SLC9A9: variants seen among roughly 807,000 people sequenced by gnomAD.
SLC9A9 encodes sodium/hydrogen exchanger 9.
SLC9A9 carries 62 observed loss-of-function variants against 77.8 expected under a neutral mutation model. That is an observed-to-expected ratio of 0.80 (90% CI 0.65 to 0.98). The LOEUF (loss-of-function observed/expected upper bound fraction) is 0.98, where lower values mean the gene tolerates loss of function less well. Ranked by LOEUF, SLC9A9 falls within the 50% of genes least tolerant of loss-of-function variation. The pLI, the probability that SLC9A9 is intolerant of heterozygous loss-of-function variation, is 0.00. For synonymous variants in SLC9A9, 320 were observed against 283.5 expected (o/e 1.13, Z -1.29); for missense variants, 775 against 774.9 (o/e 1.00, Z 0.00).
At chr3:143,447,752 T>C (rs1175507890) in intron 12 of SLC9A9, among the ~76,000 whole-genome samples, 1 of 152,186 alleles carries the variant, frequency 6.6e-6, no homozygotes, top group Admixed American at 6.5e-5. Flanking sequence ...TGTCTAAAGA[T>C]GGCAGAAACA....
At chr3:143,731,145 A>G (rs1934794532) in intron 4 of SLC9A9, among the ~76,000 whole-genome samples, 1 of 152,214 alleles carries the variant, frequency 6.6e-6, no homozygotes, top group South Asian at 2.1e-4. Context: ...ACTGGAGTAC[A>G]TGCCTAATCA....
At chr3:143,673,094 G>A (rs1411554348) in intron 5 of SLC9A9, among the ~76,000 whole-genome samples, 1 of 152,150 alleles carries the variant, frequency 6.6e-6, no homozygotes, top group African/African-American at 2.4e-5. Flanking sequence ...AATGTTAAAT[G>A]AAAATAATGA....
chr3:143,471,035 G>C (rs981531746), intron 11 of SLC9A9, among the ~76,000 whole-genome samples: 1 of 152,086 alleles, frequency 6.6e-6, no homozygotes, highest in African/African-American at 2.4e-5. Flanking sequence ...ATTGTTAATC[G>C]GGGCCAAACC....
At chr3:143,633,363 T>A (rs1028804775) in intron 6 of SLC9A9, among the ~76,000 whole-genome samples, 1 of 152,234 alleles carries the variant, frequency 6.6e-6, no homozygotes, top group Non-Finnish European at 1.5e-5. Flanking sequence ...CTTACATTTA[T>A]ATGCATTGCT....
chr3:143,754,115 A>T (rs1576703594), intron 4 of SLC9A9, among the ~76,000 whole-genome samples: 1 of 152,212 alleles, frequency 6.6e-6, no homozygotes, highest in Non-Finnish European at 1.5e-5. Flanking sequence ...AGACAAAGGT[A>T]TGGAGAAGAG....
intron 5 of SLC9A9, among the ~76,000 whole-genome samples, chr3:143,667,615 G>C (rs1325930694): frequency 1.3e-5 from 2 of 152,030 alleles, no homozygotes; most frequent in Non-Finnish European, 2.9e-5. Flanking sequence ...AATCTACAAA[G>C]AACTTAAACA....
intron 11 of SLC9A9, among the ~76,000 whole-genome samples, chr3:143,477,330 A>ATTTTTTTTTTT (rs59195338): frequency 1.7e-4 from 17 of 99,998 alleles, no homozygotes; most frequent in African/African-American, 3.4e-4. Context: ...GGCTTCTTCA[A>ATTTTTTTTTTT]TTTTTTTTTT....
At chr3:143,677,850 A>G (rs9818045) in intron 5 of SLC9A9, among the ~76,000 whole-genome samples, 103,114 of 142,410 alleles carry the variant, frequency 0.72, 37,224 homozygotes, top group East Asian at 0.84. Flanking sequence ...TTTTTGAGAC[A>G]GAGTCTCGCT....
At chr3:143,835,146 C>T (rs1412898253) in intron 1 of SLC9A9, among the ~76,000 whole-genome samples, 1 of 152,174 alleles carries the variant, frequency 6.6e-6, no homozygotes, top group Admixed American at 6.6e-5. Flanking sequence ...TTCACAGGAT[C>T]AGGCCTGCAT....
intron 14 of SLC9A9, among the ~76,000 whole-genome samples, chr3:143,360,960 A>C (rs747881959): frequency 1.1e-4 from 16 of 152,238 alleles, no homozygotes; most frequent in Non-Finnish European, 1.9e-4. Flanking sequence ...GGCCTCATGC[A>C]ATCAGTTGCA....
At chr3:143,504,352 CG>C in intron 9 of SLC9A9, 1 of 166,190 alleles carries the variant, frequency 6.0e-6, no homozygotes, top group Non-Finnish European at 1.3e-5. Context: ...AGCTGCTCCT[CG>C]GATTTTAATT....
At chr3:143,587,320 C>A (rs1252800865) in intron 6 of SLC9A9, among the ~76,000 whole-genome samples, 1 of 152,088 alleles carries the variant, frequency 6.6e-6, no homozygotes, top group Non-Finnish European at 1.5e-5. Flanking sequence ...AATAGCTAAG[C>A]AAATAAATGT....
At position 143,832,000 on chromosome 3, in the gene SLC9A9, T is replaced by A; in HGVS notation, c.378+19A>T. ...TTTATACTGTAAAACAAATATATAA[T>A]ACCAGACAGGATCCTTACCTTTTCA... On this transcript the variant is annotated intron_variant, in intron 2 of 15. Coordinates refer to ENST00000316549, the MANE Select transcript of SLC9A9 (RefSeq NM_173653.4). 1 of 1,600,648 alleles carries A rather than the reference T, an allele frequency of 6.2e-7. No homozygotes were observed. The highest frequency in any genetic ancestry group is 8.5e-7 in the Non-Finnish European group (1 of 1,170,092).
At chr3:143,389,337 G>A (rs1198017229) in intron 12 of SLC9A9, among the ~76,000 whole-genome samples, 1 of 152,112 alleles carries the variant, frequency 6.6e-6, no homozygotes, top group African/African-American at 2.4e-5. Flanking sequence ...GTTCATTAGG[G>A]TCTAACTAAG....
chr3:143,409,623 T>C (rs1576478306), intron 12 of SLC9A9, among the ~76,000 whole-genome samples: 1 of 152,232 alleles, frequency 6.6e-6, no homozygotes, highest in Non-Finnish European at 1.5e-5. Flanking sequence ...CAAGATGGTC[T>C]AAGTAGAAGC....
At chr3:143,678,197 T>C (rs1932947237) in intron 5 of SLC9A9, among the ~76,000 whole-genome samples, 1 of 152,220 alleles carries the variant, frequency 6.6e-6, no homozygotes, top group Non-Finnish European at 1.5e-5. Context: ...GTTCTTTGTG[T>C]ATTAAAAATA....
intron 2 of SLC9A9, among the ~76,000 whole-genome samples, chr3:143,826,888 C>T (rs9827103): frequency 0.82 from 124,443 of 152,150 alleles, 54,559 homozygotes; most frequent in South Asian, 0.96. Context: ...CTGTTCTGGA[C>T]GCCTGTGGTT....
chr3:143,429,816 C>T (rs1003584161), intron 12 of SLC9A9, among the ~76,000 whole-genome samples: 7 of 152,252 alleles, frequency 4.6e-5, no homozygotes, highest in Admixed American at 2.0e-4. Context: ...AGCAGCTAAG[C>T]GCTAGTAATA....
intron 13 of SLC9A9, among the ~76,000 whole-genome samples, chr3:143,373,605 TAA>T (rs67376157): frequency 2.2e-4 from 13 of 58,610 alleles, no homozygotes; most frequent in East Asian, 4.9e-4. Context: ...ACTGAAATAG[TAA>T]AAAAAAAAAA....
Sources: gnomAD v4.1 joint callset for allele counts (sites outside exome capture counted in the v4.1 genomes callset) on GRCh38, gnomAD v4.1.1 for gene constraint, MANE v1.5 for transcripts, NCBI Gene and HGNC (gene_info 2026-07-23, HGNC 2026-07-21) for gene names.